DNAJC5: variants seen among roughly 807,000 people sequenced by gnomAD.
DNAJC5 encodes dnaJ homolog subfamily C member 5.
Under a neutral mutation model 23.2 loss-of-function variants are expected in DNAJC5, and 1 was observed. The observed-to-expected ratio is 0.04, with a 90% CI of 0.02 to 0.20. The LOEUF (loss-of-function observed/expected upper bound fraction) is 0.20. DNAJC5 is among the 10% of genes least tolerant of loss of function. DNAJC5 has a pLI of 1.00. For missense variants in DNAJC5, 180 were observed against 267.0 expected (o/e 0.67, Z 2.27); for synonymous variants, 136 against 120.0 (o/e 1.13, Z -0.87).
intron 1 of DNAJC5, among the ~76,000 whole-genome samples, chr20:63,909,279 C>T (rs1258592852): frequency 6.6e-6 from 1 of 151,660 alleles, no homozygotes; most frequent in Non-Finnish European, 1.5e-5. Context: ...GCGGGCGGAT[C>T]CCAAGGTCAG....
At chr20:63,924,897 G>C (rs1179376503) in intron 1 of DNAJC5, among the ~76,000 whole-genome samples, 1 of 152,272 alleles carries the variant, frequency 6.6e-6, no homozygotes, top group Admixed American at 6.5e-5. Context: ...ACTCACCTGT[G>C]TTATAGCTTG....
chr20:63,930,755 G>T (rs1472462713), intron 3 of DNAJC5, 96 bp from the exon 4 acceptor site: 2 of 1,588,034 alleles, frequency 1.3e-6, no homozygotes, highest in African/African-American at 1.3e-5. Flanking sequence ...CACCTGGAAC[G>T]CACCCCCTGC....
chr20:63,917,937 T>G (rs560257454), intron 1 of DNAJC5, among the ~76,000 whole-genome samples: 1 of 152,288 alleles, frequency 6.6e-6, no homozygotes, highest in African/African-American at 2.4e-5. Flanking sequence ...CTCAGTTGCT[T>G]GTTGCTGTGA....
In DNAJC5 at chr20:63,928,705, G is replaced by A. The variant is rs1228737610; in HGVS notation, c.107+253G>A. The stretch of plus-strand genomic sequence containing the variant: ...GACACACTGTCCACAGTTCCATAGG[G>A]AGTCAGGGTCTGAACCTGTTTGAGG... On this transcript the variant is annotated intron_variant, in intron 2 of 4. Transcript: ENST00000360864. The surrounding 1 kb of genome is among the most constrained non-coding windows in gnomAD (Gnocchi z 4.6). Among the ~76,000 whole-genome samples the A allele has an allele frequency of 2.0e-5, 3 of 152,338 alleles. 1 individual carries two copies. Among genetic ancestry groups the A allele is most frequent in the Middle Eastern group, 6.8e-3 (2 of 294 alleles).
chr20:63,922,093 A>G (rs2053578210), intron 1 of DNAJC5, among the ~76,000 whole-genome samples: 1 of 152,004 alleles, frequency 6.6e-6, no homozygotes, highest in Non-Finnish European at 1.5e-5. Flanking sequence ...TGAAATTTAA[A>G]CCAAGTTTAG....
chr20:63,904,250 A>G (rs1442723614), intron 1 of DNAJC5, among the ~76,000 whole-genome samples: 1 of 152,194 alleles, frequency 6.6e-6, no homozygotes, highest in Admixed American at 6.5e-5. Flanking sequence ...AAATAATGTC[A>G]TCATACATGT....
At position 63,922,515 on chromosome 20, in the gene DNAJC5, C is replaced by T. The variant is rs377325098; in HGVS notation, c.-11-5820C>T. ...CAGAAAGGGTTGGCTCCTGTGATCT[C>T]GGCACTTTGGTGACCATGACCCAAG... On this transcript the variant is annotated intron_variant, in intron 1 of 4. Coordinates refer to ENST00000360864, the MANE Select transcript of DNAJC5 (RefSeq NM_025219.3). Among the ~76,000 whole-genome samples the T allele has an allele frequency of 8.6e-5, 13 of 151,516 alleles. No homozygotes were observed. The East Asian group carries it at 2.3e-3, about 27-fold the overall frequency.
chr20:63,905,330 G>A (rs2053441023), intron 1 of DNAJC5, among the ~76,000 whole-genome samples: 3 of 152,000 alleles, frequency 2.0e-5, no homozygotes, highest in East Asian at 1.9e-4. Flanking sequence ...TGGCCAGGCC[G>A]ATCTCGACCT....
Position 63,931,077 on chromosome 20 carries a change from C to T in DNAJC5, c.493+55C>T. 1 of 1,571,432 alleles carries T rather than the reference C, an allele frequency of 6.4e-7. No homozygotes were observed. Among genetic ancestry groups the T allele is most frequent in the South Asian group, 1.1e-5 (1 of 89,794 alleles). On this transcript the variant is annotated intron_variant, in intron 4 of 4. Transcript: ENST00000360864. The surrounding 1 kb of genome is among the most constrained non-coding windows in gnomAD (Gnocchi z 9.6). The stretch of plus-strand genomic sequence containing the variant: ...TGTGTGGGGCAGAGCCAGAATGGGC[C>T]CTGAATGGTGTCAACCTGTCTTGTC...
In DNAJC5 at chr20:63,920,527, C is replaced by A. The variant is rs1049633425; in HGVS notation, c.-11-7808C>A. Among the ~76,000 whole-genome samples the A allele has an allele frequency of 6.6e-6, 1 of 152,224 alleles. No homozygotes were observed. Among genetic ancestry groups the A allele is most frequent in the Non-Finnish European group, 1.5e-5 (1 of 68,038 alleles). ...TAGGGAGGGAGGACACGGGTCCCCG[C>A]CATTTCAGAAGCTCAGCGTCCCTGC... On this transcript the variant is annotated intron_variant, in intron 1 of 4. Coordinates refer to ENST00000360864, the MANE Select transcript of DNAJC5 (RefSeq NM_025219.3). The surrounding 1 kb of genome is among the most constrained non-coding windows in gnomAD (Gnocchi z 4.6).
At chr20:63,924,719 C>T (rs891978088) in intron 1 of DNAJC5, among the ~76,000 whole-genome samples, 5 of 152,206 alleles carry the variant, frequency 3.3e-5, no homozygotes, top group East Asian at 1.9e-4. Flanking sequence ...TGCAGTGGTG[C>T]GTGCCTGTAG....
chr20:63,928,275 C>A lies in DNAJC5; in HGVS notation c.-11-60C>A. On this transcript the variant is annotated intron_variant, in intron 1 of 4. Coordinates refer to ENST00000360864, the MANE Select transcript of DNAJC5 (RefSeq NM_025219.3). The surrounding 1 kb of genome is among the most constrained non-coding windows in gnomAD (Gnocchi z 4.6). ...GGTCTTATGGAATAAAGTCCATCAG[C>A]TCTGCCCTTGGTACTTTCATCTATA... The A allele has an allele frequency of 7.3e-7, 1 of 1,374,554 alleles. No homozygotes were observed. Among genetic ancestry groups the A allele is most frequent in the Non-Finnish European group, 1.0e-6 (1 of 971,738 alleles). 85.1% of individuals were successfully genotyped at this position (1,374,554 alleles called of 1,614,324 possible).
In DNAJC5 at chr20:63,914,375, C is replaced by T. The variant is rs765145007; in HGVS notation, c.-11-13960C>T. ...TGTTGCCCAGGCTGGAGTGTAGTGGCGCGATCTCCGCTCACTGCAAGCTCC... is the reference window on the plus strand; with the variant it reads ...TGTTGCCCAGGCTGGAGTGTAGTGGTGCGATCTCCGCTCACTGCAAGCTCC... On this transcript the variant is annotated intron_variant, in intron 1 of 4. Transcript: ENST00000360864. Among the ~76,000 whole-genome samples the T allele has an allele frequency of 5.3e-5, 8 of 152,052 alleles. No individual in the cohort carries two copies. The East Asian group carries it at 9.7e-4, about 18-fold the overall frequency.
chr20:63,910,345 C>G (rs1006730259), intron 1 of DNAJC5, among the ~76,000 whole-genome samples: 1 of 152,170 alleles, frequency 6.6e-6, no homozygotes, highest in East Asian at 1.9e-4. Context: ...GAGATGGAGA[C>G]CATCCTGGCT....
rs2053638775 is a variant in DNAJC5 at position 63,928,980 on chromosome 20, C to G, written c.108-332C>G. Reference sequence around the variant, plus strand: ...CTTAAAGTGCCATCATTACGCCCCGCCGTGCTTACCGTTCACTTGGCACTT... The same window carrying G: ...CTTAAAGTGCCATCATTACGCCCCGGCGTGCTTACCGTTCACTTGGCACTT... On this transcript the variant is annotated intron_variant, in intron 2 of 4. Transcript: ENST00000360864. The surrounding 1 kb of genome is among the most constrained non-coding windows in gnomAD (Gnocchi z 4.6). 6.6e-6 allele frequency among the ~76,000 whole-genome samples: 1 copy of G among 152,272 alleles called. No individual in the cohort carries two copies. The highest frequency in any genetic ancestry group is 6.5e-5 in the Admixed American group (1 of 15,288).
At chr20:63,918,927 A>G (rs566697807) in intron 1 of DNAJC5, among the ~76,000 whole-genome samples, 7 of 152,354 alleles carry the variant, frequency 4.6e-5, no homozygotes, top group South Asian at 4.1e-4. Context: ...TGTATTTCAC[A>G]TAATACATAG....
Position 63,929,981 on chromosome 20 carries a change from C to T in DNAJC5, c.321+456C>T, listed in dbSNP as rs571016105. The stretch of plus-strand genomic sequence containing the variant: ...GAGCCGTGCGGAGCCGCCAGGGTTT[C>T]TTCTGTAAATGGCTCCCAGTCCTTC... On this transcript the variant is annotated intron_variant, in intron 3 of 4. Transcript: ENST00000360864. This position sits in a 1 kb window ranked among gnomAD's most constrained non-coding sequence, Gnocchi z 8.6. 2.0e-5 allele frequency among the ~76,000 whole-genome samples: 3 copies of T among 152,370 alleles called. No homozygotes were observed. In the South Asian group the frequency reaches 6.2e-4, roughly 32 times the overall value.
chr20:63,930,582 C>G (rs993216317), intron 3 of DNAJC5, among the ~76,000 whole-genome samples: 10 of 152,218 alleles, frequency 6.6e-5, no homozygotes, highest in African/African-American at 2.2e-4. Flanking sequence ...CTCCTGACCT[C>G]GTGATCCGCC....
chr20:63,896,338 TG>T (rs1372547265), intron 1 of DNAJC5, among the ~76,000 whole-genome samples: 1 of 152,210 alleles, frequency 6.6e-6, no homozygotes, highest in Non-Finnish European at 1.5e-5. Context: ...CTAAGGGCTT[TG>T]GGGAAGTTTC....
Sources: gnomAD v4.1 joint callset for allele counts (sites outside exome capture counted in the v4.1 genomes callset) on GRCh38, gnomAD v4.1.1 for gene constraint, Gnocchi (gnomAD v3.1) non-coding constraint, MANE v1.5 for transcripts, NCBI Gene and HGNC (gene_info 2026-07-23, HGNC 2026-07-21) for gene names.